Variants in GABRA4 observed in about 807,000 individuals in gnomAD.
GABRA4 encodes the protein gamma-aminobutyric acid type A receptor subunit alpha4, also known as gamma-aminobutyric acid receptor subunit alpha-4.
Under a neutral mutation model 49.7 loss-of-function variants are expected in GABRA4, and 12 were observed. The observed-to-expected ratio is 0.24, with a 90% confidence interval of 0.15 to 0.39. GABRA4 has a LOEUF of 0.39. Among genes scored for constraint, GABRA4 ranks in the 10% least tolerant of loss-of-function variants. The pLI is 1.00. For synonymous variants in GABRA4, 288 were observed against 240.2 expected (o/e 1.20, Z -1.84); for missense variants, 506 against 686.0 (o/e 0.74, Z 2.93).
rs1256231735 is a variant in GABRA4, at chr4:46,922,438, A to C, written c.*5787T>G. 1 of 152,132 alleles carries C rather than the reference A, an allele frequency of 6.6e-6. No individual in the cohort carries two copies. The highest frequency in any genetic ancestry group is 1.9e-4 in the East Asian group (1 of 5,174). The allele number at this position is 152,132 out of a possible 1,614,324, so 9.4% of individuals were successfully genotyped here. Reference sequence around the variant, plus strand: ...TGGCTCTGCTCAGTGATTAATAGAAAGAAACCAGCCCCAAAAATAGGCAAG... The same window carrying C: ...TGGCTCTGCTCAGTGATTAATAGAACGAAACCAGCCCCAAAAATAGGCAAG... On this transcript the variant is annotated 3_prime_UTR_variant, in exon 9 of 9. Transcript: ENST00000264318.
At chr4:46,955,616 T>C (rs1041280840) in intron 8 of GABRA4, among the ~76,000 whole-genome samples, 2 of 152,096 alleles carry the variant, frequency 1.3e-5, no homozygotes, top group Admixed American at 1.3e-4. Context: ...CTATCATTCC[T>C]ACCACCCTCA....
At chr4:46,931,293 C>T (rs13138566) in intron 8 of GABRA4, among the ~76,000 whole-genome samples, 36,928 of 151,948 alleles carry the variant, frequency 0.24, 4,686 homozygotes, top group East Asian at 0.29. Context: ...GTAGAAGTTC[C>T]TGTCTTAATA....
At position 46,926,545 on chromosome 4, in the gene GABRA4, G is replaced by A. The variant is rs1218639279; in HGVS notation, c.*1680C>T. The A allele has an allele frequency of 6.6e-6, 1 of 151,806 alleles. No homozygotes were observed. 9.4% of individuals were successfully genotyped at this position (151,806 alleles called of 1,614,324 possible). On this transcript the variant is annotated 3_prime_UTR_variant, in exon 9 of 9. Coordinates refer to ENST00000264318, the MANE Select transcript of GABRA4 (RefSeq NM_000809.4). ...AAGGTAGTGCAATATCTGAAAAATC[G>A]ATGCCAATTAACTACTATCACTTCT...
intron 6 of GABRA4, 72 bp downstream of exon 6, chr4:46,974,160 A>G (rs1175830715): frequency 4.8e-6 from 7 of 1,461,350 alleles, no homozygotes; most frequent in Admixed American, 4.2e-5. Flanking sequence ...AACTATTTCA[A>G]TGAAAAAGTC....
At chr4:46,931,804 G>A (rs1487333502) in intron 8 of GABRA4, among the ~76,000 whole-genome samples, 3 of 152,096 alleles carry the variant, frequency 2.0e-5, no homozygotes. Context: ...GAGCTCATTT[G>A]GAGAATAGCC....
In GABRA4 at chr4:46,928,066, A is replaced by C; in HGVS notation, c.*159T>G. 1.6e-6 allele frequency: 1 copy of C among 613,042 alleles called. No individual in the cohort carries two copies. Among genetic ancestry groups the C allele is most frequent in the Non-Finnish European group, 2.6e-6 (1 of 378,678 alleles). The allele number at this position is 613,042 out of a possible 1,614,324, so 38.0% of individuals were successfully genotyped here. A position where few individuals can be genotyped will look rare whatever the true frequency, so the allele number is the denominator to read the frequency against. ...AAAAACATAGTTCACTTTTTCACTCAGGAATTAATTAACTCTCCCAATAAC... is the reference window on the plus strand; with the variant it reads ...AAAAACATAGTTCACTTTTTCACTCCGGAATTAATTAACTCTCCCAATAAC... On this transcript the variant is annotated 3_prime_UTR_variant, in exon 9 of 9. Transcript: ENST00000264318.
intron 8 of GABRA4, among the ~76,000 whole-genome samples, chr4:46,932,063 G>A (rs559415044): frequency 1.3e-5 from 2 of 152,068 alleles, no homozygotes; most frequent in Non-Finnish European, 2.9e-5. Flanking sequence ...AGGTCCTGAT[G>A]GGAGGTGCTG....
chr4:46,956,502 T>C (rs1343617038), intron 8 of GABRA4, among the ~76,000 whole-genome samples: 1 of 152,104 alleles, frequency 6.6e-6, no homozygotes, highest in African/African-American at 2.4e-5. Context: ...CCAACTACTC[T>C]TTCCTTATAA....
intron 6 of GABRA4, among the ~76,000 whole-genome samples, chr4:46,973,507 G>T (rs538756789): frequency 6.6e-6 from 1 of 151,832 alleles, no homozygotes; most frequent in South Asian, 2.1e-4. Context: ...GTAAATTTCT[G>T]TTGTTTATGA....
chr4:46,993,200 C>A, intron 1 of GABRA4, 139 bp downstream of exon 1: 1 of 806,882 alleles, frequency 1.2e-6, no homozygotes, highest in Non-Finnish European at 2.1e-6. Context: ...CACAGAAAAG[C>A]CTGGCTTCGG....
At chr4:46,940,741 C>T (rs909902154) in intron 8 of GABRA4, among the ~76,000 whole-genome samples, 2 of 151,366 alleles carry the variant, frequency 1.3e-5, no homozygotes, top group Non-Finnish European at 2.9e-5. Context: ...CTCTCAACAC[C>T]CCCCAAAAAA....
chr4:46,928,912 A>G (rs565477308), intron 8 of GABRA4, among the ~76,000 whole-genome samples, 157 bp from the exon 9 acceptor site: 1 of 152,122 alleles, frequency 6.6e-6, no homozygotes, highest in African/African-American at 2.4e-5. Flanking sequence ...TTTAAAATAC[A>G]TAACTAAAAT....
intron 8 of GABRA4, among the ~76,000 whole-genome samples, chr4:46,945,378 A>G (rs1357522316): frequency 6.6e-6 from 1 of 152,132 alleles, no homozygotes; most frequent in Non-Finnish European, 1.5e-5. Context: ...CATGAGGCCC[A>G]TGGACACCAA....
At chr4:46,933,034 G>A (rs553604995) in intron 8 of GABRA4, among the ~76,000 whole-genome samples, 38 of 152,162 alleles carry the variant, frequency 2.5e-4, no homozygotes, top group Admixed American at 9.8e-4. Context: ...AAAATAAAAA[G>A]AATCAGTCTA....
chr4:46,969,428 C>T (rs1722875088), intron 7 of GABRA4, among the ~76,000 whole-genome samples: 1 of 151,422 alleles, frequency 6.6e-6, no homozygotes, highest in South Asian at 2.1e-4. Context: ...CTTGCCTAGT[C>T]AGAGTGCTTC....
intron 2 of GABRA4, among the ~76,000 whole-genome samples, chr4:46,980,655 T>A (rs1032903654): frequency 6.6e-6 from 1 of 152,072 alleles, no homozygotes; most frequent in Non-Finnish European, 1.5e-5. Flanking sequence ...GCAGAAAAGT[T>A]AATTAAATTT....
intron 8 of GABRA4, among the ~76,000 whole-genome samples, chr4:46,957,530 A>C (rs1057139608): frequency 6.6e-5 from 10 of 151,954 alleles, no homozygotes; most frequent in African/African-American, 2.2e-4. Context: ...TTTGCACTTG[A>C]ACTTTGAAAA....
Position 46,921,884 on chromosome 4 carries a change from T to C in GABRA4, c.*6341A>G, listed in dbSNP as rs1166520891. 2.6e-5 allele frequency: 4 copies of C among 152,054 alleles called. No homozygotes were observed. Among genetic ancestry groups the C allele is most frequent in the African/African-American group, 4.8e-5 (2 of 41,408 alleles). The allele number at this position is 152,054 out of a possible 1,614,324, so 9.4% of individuals were successfully genotyped here. On this transcript the variant is annotated 3_prime_UTR_variant, in exon 9 of 9. Transcript: ENST00000264318. ...TTAAGTAGGTAGCCATTTGCACTAA[T>C]AGGAGAAAGGAAATTGACTGGCATA...
chr4:46,942,161 T>G (rs1040787673), intron 8 of GABRA4, among the ~76,000 whole-genome samples: 2 of 152,120 alleles, frequency 1.3e-5, no homozygotes, highest in African/African-American at 4.8e-5. Context: ...TCTTCTTGGT[T>G]CTGGTGATAC....
Sources: allele counts gnomAD v4.1 joint callset (sites outside exome capture counted in the v4.1 genomes callset), GRCh38; gene constraint gnomAD v4.1.1; transcripts MANE v1.5; gene names NCBI Gene and HGNC (gene_info 2026-07-23, HGNC 2026-07-21).